Variants in BRF2 observed in about 807,000 individuals in gnomAD.
The protein encoded by BRF2 is transcription factor IIIB 50 kDa subunit.
Under a neutral mutation model 26.6 loss-of-function variants are expected in BRF2, and 17 were observed. The ratio of observed to expected loss-of-function variants is 0.64; its 90% CI spans 0.44 to 0.96. BRF2 has a LOEUF of 0.96. Among genes scored for constraint, BRF2 ranks in the 40% least tolerant of loss-of-function variants. BRF2 has a pLI of 0.00. For synonymous variants in BRF2, 219 were observed against 226.6 expected (o/e 0.97, Z 0.30); for missense variants, 515 against 537.0 (o/e 0.96, Z 0.40).
rs756350180 is a variant in BRF2 at position 37,844,627 on chromosome 8, CA to C, written c.1122del (p.Val375SerfsTer15). 3.1e-6 allele frequency: 5 copies of C among 1,614,120 alleles called. No individual in the cohort carries two copies. In the South Asian group the frequency reaches 4.4e-5, roughly 14 times the overall value. ...KSPKRICPVP[P>X]VSTVTGDENI... ...TTCTCATCTCCAGTGACAGTGGAGA[CA>C]GGGGGTACAGGGCAGATCCGCTTCG... On this transcript the variant is annotated frameshift_variant, in exon 4 of 4. Transcript: ENST00000220659. LOFTEE classifies it high-confidence loss of function.
chr8:37,847,042 C>T lies in BRF2; in HGVS notation c.348G>A (p.Val116=), dbSNP rs1805972615. 1 of 1,614,246 alleles carries T rather than the reference C, an allele frequency of 6.2e-7. No homozygotes were observed. ...TGATTAAGACGCAGCACCCAACCAA[C>T]ACCTCCTTCTTTTGCAGCCTGGCCG... The part of the protein sequence containing the change: ...IRAARLQKKE[V]LVGCCVLITC... The change falls in exon 3 of 4, where the codon GTG becomes GTA. Residue 116 remains valine (V), a synonymous_variant. Transcript: ENST00000220659.
chr8:37,844,798 C>T lies in BRF2; in HGVS notation c.952G>A (p.Glu318Lys). The change falls in exon 4 of 4, where the codon GAA becomes AAA. Residue 318 changes from glutamate (E) to lysine (K), a missense_variant. Physicochemically the swap from Glu to Lys is moderately conservative, Grantham distance 56 (BLOSUM62 1). Coordinates refer to ENST00000220659, the MANE Select transcript of BRF2 (RefSeq NM_018310.4). ...GGCTCCTTCTCTCGGGTCTCCACTT[C>T]TGCTGTCCCATCCCGAAAGGCAGAG... is the stretch of plus-strand genomic sequence containing the variant. ...VRSAFRDGTA[E>K]VETREKEPPG... is the part of the protein sequence containing the mutation. 4 of 1,614,182 alleles carry T rather than the reference C, an allele frequency of 2.5e-6. No homozygotes were observed. Among genetic ancestry groups the T allele is most frequent in the Non-Finnish European group, 3.4e-6 (4 of 1,180,038 alleles).
At chr8:37,846,641 C>T (rs185286815) in intron 3 of BRF2, among the ~76,000 whole-genome samples, 2 of 152,212 alleles carry the variant, frequency 1.3e-5, no homozygotes, top group African/African-American at 4.8e-5. Context: ...GTGGCAGGCA[C>T]CTGTAATCCC....
rs1439918805 is a variant in BRF2 at position 37,843,748 on chromosome 8, A to C, written c.*742T>G. 1 of 152,604 alleles carries C rather than the reference A, an allele frequency of 6.6e-6. No homozygotes were observed. The highest frequency in any genetic ancestry group is 1.5e-5 in the Non-Finnish European group (1 of 68,034). 9.5% of individuals were successfully genotyped at this position (152,604 alleles called of 1,614,324 possible). A position where few individuals can be genotyped will look rare whatever the true frequency, so the allele number is the denominator to read the frequency against. On this transcript the variant is annotated 3_prime_UTR_variant, in exon 4 of 4. Transcript: ENST00000220659. Reference sequence around the variant, plus strand: ...CTGCACAGACATATTAGAAGAAAAAAAAAAGCTTTGTATTATTCTTCCACA... The same window carrying C: ...CTGCACAGACATATTAGAAGAAAAACAAAAGCTTTGTATTATTCTTCCACA...
chr8:37,846,145 T>TC (rs1396064386), intron 3 of BRF2, among the ~76,000 whole-genome samples: 1 of 151,986 alleles, frequency 6.6e-6, no homozygotes, highest in Non-Finnish European at 1.5e-5. Flanking sequence ...GTCCAGGAGT[T>TC]CAAGACCAGC....
rs1805874686 is a variant in BRF2, at chr8:37,843,432, C to T, written c.*1058G>A. On this transcript the variant is annotated 3_prime_UTR_variant, in exon 4 of 4. Coordinates refer to ENST00000220659, the MANE Select transcript of BRF2 (RefSeq NM_018310.4). ...CAGGAGCTCAAGCCAAGCCCAGAGG[C>T]AGTGGCTGGGGTCCCTGCAGGTCAT... 6.6e-6 allele frequency: 1 copy of T among 152,296 alleles called. No individual in the cohort carries two copies. The highest frequency in any genetic ancestry group is 2.4e-5 in the African/African-American group (1 of 41,466). The allele number at this position is 152,296 out of a possible 1,614,324, so 9.4% of individuals were successfully genotyped here. A position where few individuals can be genotyped will look rare whatever the true frequency, so the allele number is the denominator to read the frequency against.
At chr8:37,845,540 T>A in intron 3 of BRF2, 1 of 608,778 alleles carries the variant, frequency 1.6e-6, no homozygotes, top group South Asian at 2.0e-5. Flanking sequence ...CCCATAGTCA[T>A]CCAGCCAGGC....
At chr8:37,849,491 C>T (rs1806028853) in intron 1 of BRF2, 139 bp downstream of exon 1, 5 of 693,004 alleles carry the variant, frequency 7.2e-6, no homozygotes. Context: ...TCTCCTTCAG[C>T]TCCCTCGCTC....
Position 37,844,341 on chromosome 8 carries a change from C to T in BRF2, c.*149G>A. On this transcript the variant is annotated 3_prime_UTR_variant, in exon 4 of 4. Transcript: ENST00000220659. The stretch of plus-strand genomic sequence containing the variant: ...CTGCACTCCTGACTTTACTCCAGGA[C>T]CCAGGGTCCAACTAATGGCAGAGCC... 4.0e-6 allele frequency: 4 copies of T among 1,003,316 alleles called. No individual in the cohort carries two copies. Among genetic ancestry groups the T allele is most frequent in the Non-Finnish European group, 5.9e-6 (4 of 678,450 alleles). 62.2% of individuals were successfully genotyped at this position (1,003,316 alleles called of 1,614,324 possible).
At position 37,847,018 on chromosome 8, in the gene BRF2, G is replaced by A. The variant is rs1805972157; in HGVS notation, c.372C>T (p.Ile124=). ...KEVLVGCCVL[I]TCRQHNWPLT... is the part of the protein sequence containing the mutation. ...GGGGCCAGTTATGCTGTCGGCAGGT[G>A]ATTAAGACGCAGCACCCAACCAACA... The change falls in exon 3 of 4, where the codon ATC becomes ATT. Residue 124 remains isoleucine, a synonymous_variant. Transcript: ENST00000220659. 6.2e-7 allele frequency: 1 copy of A among 1,614,214 alleles called. No homozygotes were observed. The highest frequency in any genetic ancestry group is 1.1e-5 in the South Asian group (1 of 91,088).
rs371392468 is a variant in BRF2 at position 37,844,899 on chromosome 8, C to T, written c.851G>A (p.Arg284Gln). 11 of 1,614,046 alleles carry T rather than the reference C, an allele frequency of 6.8e-6. No homozygotes were observed. In the East Asian group the frequency reaches 8.9e-5, roughly 13 times the overall value. The change falls in exon 4 of 4, where the codon CGA becomes CAA. Residue 284 changes from arginine to glutamine, a missense_variant. By Grantham distance (43) the Arg-to-Gln change is conservative. Transcript: ENST00000220659. Reference protein sequence around the residue: ...LRMAEQLAWLRVLRLDKRSVV... With the variant: ...LRMAEQLAWLQVLRLDKRSVV... ...AGACCGTTTGTCAAGTCTCAGAACT[C>T]GTAACCAGGCCAGCTGCTCAGCCAT...
At chr8:37,848,801 T>C in intron 1 of BRF2, 146 bp from the exon 2 acceptor site, 1 of 699,196 alleles carries the variant, frequency 1.4e-6, no homozygotes, top group South Asian at 1.6e-5. Flanking sequence ...TTTCTATGTC[T>C]ACAAGAGGTT....
In BRF2 at chr8:37,847,110, C is replaced by A; in HGVS notation, c.280G>T (p.Val94Phe). The A allele has an allele frequency of 1.9e-6, 3 of 1,614,208 alleles. No homozygotes were observed. The highest frequency in any genetic ancestry group is 1.1e-5 in the South Asian group (1 of 91,086). The change falls in exon 3 of 4, where the codon GTT becomes TTT. Residue 94 changes from valine to phenylalanine, a missense_variant. Transcript: ENST00000220659. ...CGATATGCCTGTTGGTAGTAGGCAA[C>A]CGCGGTATCCTCAAATGTTGGTGGC... ...QLPPTFEDTA[V>F]AYYQQAYRHS...
rs372806392 is a variant in BRF2, at chr8:37,849,492, T to C, written c.154+138A>G. On this transcript the variant is annotated intron_variant, in intron 1 of 3. Coordinates refer to ENST00000220659, the MANE Select transcript of BRF2 (RefSeq NM_018310.4). ...AATGGCAGCCCCCATCTCCTTCAGC[T>C]CCCTCGCTCACTTTAGGTCATTTTC... 3.8e-4 allele frequency: 268 copies of C among 698,780 alleles called. 4 individuals are homozygous for C. The African/African-American group carries it at 4.1e-3, about 11-fold the overall frequency. The allele number at this position is 698,780 out of a possible 1,614,324, so 43.3% of individuals were successfully genotyped here. A position where few individuals can be genotyped will look rare whatever the true frequency, so the allele number is the denominator to read the frequency against.
At position 37,847,197 on chromosome 8, in the gene BRF2, A is replaced by G. The variant is rs112791122; in HGVS notation, c.215-22T>C. 8 of 1,609,532 alleles carry G rather than the reference A, an allele frequency of 5.0e-6. No homozygotes were observed. The East Asian group carries it at 6.7e-5, about 13-fold the overall frequency. ...AGACCTAGGAAAAACCCACGGCAAG[A>G]GTTAGAGGGGTCAAAGGAGCTATCG... On this transcript the variant is annotated intron_variant, in intron 2 of 3. Coordinates refer to ENST00000220659, the MANE Select transcript of BRF2 (RefSeq NM_018310.4).
intron 2 of BRF2, 182 bp from the exon 3 acceptor site, chr8:37,847,357 C>T (rs765469036): frequency 2.9e-5 from 20 of 699,672 alleles, no homozygotes; most frequent in Non-Finnish European, 4.4e-5. Flanking sequence ...GACACAAAAA[C>T]ATTTGTGTAA....
In BRF2 at chr8:37,845,251, T is replaced by C. The variant is rs371866104; in HGVS notation, c.537-38A>G. ...AAATGAGGGTTGGATCTTAATGATA[T>C]AGGGGCTGCTCTCCCACAGTGAGGA... On this transcript the variant is annotated intron_variant, in intron 3 of 3. Coordinates refer to ENST00000220659, the MANE Select transcript of BRF2 (RefSeq NM_018310.4). 73 of 1,538,210 alleles carry C rather than the reference T, an allele frequency of 4.7e-5. No individual in the cohort carries two copies. In the African/African-American group the frequency reaches 6.0e-4, roughly 13 times the overall value.
chr8:37,844,634 T>C lies in BRF2; in HGVS notation c.1116A>G (p.Val372=). Residue 372 remains valine (V), a synonymous_variant, in exon 4 of 4, where the codon GTA becomes GTG. Transcript: ENST00000220659. The part of the protein sequence containing the change: ...MLKSPKRICP[V]PPVSTVTGDE... Reference sequence around the variant, plus strand: ...CTCCAGTGACAGTGGAGACAGGGGGTACAGGGCAGATCCGCTTCGGGGACT... The same window carrying C: ...CTCCAGTGACAGTGGAGACAGGGGGCACAGGGCAGATCCGCTTCGGGGACT... 2 of 1,613,782 alleles carry C rather than the reference T, an allele frequency of 1.2e-6. No individual in the cohort carries two copies. Among genetic ancestry groups the C allele is most frequent in the Non-Finnish European group, 8.5e-7 (1 of 1,179,956 alleles).
At position 37,843,911 on chromosome 8, in the gene BRF2, A is replaced by C. The variant is rs1156323155; in HGVS notation, c.*579T>G. 2 of 153,086 alleles carry C rather than the reference A, an allele frequency of 1.3e-5. No homozygotes were observed. Among genetic ancestry groups the C allele is most frequent in the Non-Finnish European group, 1.5e-5 (1 of 68,426 alleles). The allele number at this position is 153,086 out of a possible 1,614,324, so 9.5% of individuals were successfully genotyped here. On this transcript the variant is annotated 3_prime_UTR_variant, in exon 4 of 4. Coordinates refer to ENST00000220659, the MANE Select transcript of BRF2 (RefSeq NM_018310.4). The stretch of plus-strand genomic sequence containing the variant: ...TAAGAACTCGGGTTTTATACAATAG[A>C]ATGTTTTCTAGCAGATGCCTCTTGT...
Sources: allele counts gnomAD v4.1 joint callset (sites outside exome capture counted in the v4.1 genomes callset), GRCh38; gene constraint gnomAD v4.1.1; transcripts MANE v1.5; gene names NCBI Gene and HGNC (gene_info 2026-07-23, HGNC 2026-07-21).